The following RPSA2 variants were observed in gnomAD, a reference collection of about 807,000 sequenced individuals.
RPSA2 encodes the protein ribosomal protein SA 2, also known as small ribosomal subunit protein uS2B.
chr19:23,827,939 C>T, the RPSA2 span: 1 of 898,176 alleles, frequency 1.1e-6, no homozygotes, highest in Non-Finnish European at 1.8e-6. Flanking sequence ...TGTGCCTATT[C>T]AGCAATTCCC....
At chr19:23,759,970 A>G in the RPSA2 span, among the ~76,000 whole-genome samples, 4 of 152,164 alleles carry the variant, frequency 2.6e-5, no homozygotes, top group African/African-American at 7.2e-5. Context: ...CCAAGGCTAC[A>G]TGATAGTTAC....
At chr19:23,773,291 A>AT in the RPSA2 span, among the ~76,000 whole-genome samples, 133,436 of 141,076 alleles carry the variant, frequency 0.95, 63,499 homozygotes, top group East Asian at 1. Context: ...TATATATCAA[A>AT]TTTTTTTTTT....
chr19:23,839,714 C>G, the RPSA2 span, among the ~76,000 whole-genome samples: 22 of 152,190 alleles, frequency 1.4e-4, no homozygotes, highest in Non-Finnish European at 1.6e-4. Context: ...GTCCTCCTCC[C>G]TCTCCCATGG....
At chr19:23,853,285 G>T in the RPSA2 span, among the ~76,000 whole-genome samples, 2 of 152,242 alleles carry the variant, frequency 1.3e-5, no homozygotes, top group South Asian at 2.1e-4. Flanking sequence ...GGCATGACAG[G>T]TTGGATGGCT....
the RPSA2 span, among the ~76,000 whole-genome samples, chr19:23,795,967 G>A: frequency 3.9e-5 from 6 of 152,142 alleles, no homozygotes; most frequent in Admixed American, 3.9e-4. Context: ...ATTTTGCCAT[G>A]TCAGCCAGGT....
the RPSA2 span, among the ~76,000 whole-genome samples, chr19:23,845,908 T>C: frequency 2.6e-5 from 4 of 152,208 alleles, no homozygotes; most frequent in Non-Finnish European, 5.9e-5. Flanking sequence ...TATTCTACTA[T>C]GGTCTAAGTA....
At chr19:23,827,200 G>A in the RPSA2 span, 5 of 966,420 alleles carry the variant, frequency 5.2e-6, no homozygotes, top group African/African-American at 8.0e-5. Flanking sequence ...TGAAGGAGGA[G>A]GATGTCCTTA....
At chr19:23,866,517 C>A in the RPSA2 span, among the ~76,000 whole-genome samples, 2 of 143,418 alleles carry the variant, frequency 1.4e-5, no homozygotes, top group African/African-American at 5.0e-5. Flanking sequence ...TGTGGTGCCC[C>A]CCCCCGCCCA....
the RPSA2 span, among the ~76,000 whole-genome samples, chr19:23,762,001 T>C: frequency 4.0e-5 from 6 of 149,764 alleles, no homozygotes; most frequent in African/African-American, 1.2e-4. Flanking sequence ...CACTGCAACC[T>C]CTGCCTCCCG....
chr19:23,866,151 T>C, the RPSA2 span, among the ~76,000 whole-genome samples: 2 of 152,178 alleles, frequency 1.3e-5, no homozygotes, highest in Non-Finnish European at 2.9e-5. Context: ...CAGTCTTCCT[T>C]AGCCACCAAG....
At chr19:23,758,700 C>T in the RPSA2 span, 1 of 1,614,150 alleles carries the variant, frequency 6.2e-7, no homozygotes, top group Non-Finnish European at 8.5e-7. Context: ...CTGAGTCCCG[C>T]CACAGCCCCT....
the RPSA2 span, among the ~76,000 whole-genome samples, chr19:23,829,647 C>T: frequency 2.0e-5 from 3 of 152,152 alleles, no homozygotes; most frequent in Non-Finnish European, 4.4e-5. Context: ...TTGGGGACTA[C>T]ATATAATGTC....
the RPSA2 span, among the ~76,000 whole-genome samples, chr19:23,845,595 G>C: frequency 1.3e-5 from 2 of 152,312 alleles, no homozygotes; most frequent in Non-Finnish European, 2.9e-5. Context: ...ATGCTCAAGT[G>C]ATCTTTTTAT....
chr19:23,846,586 C>T, the RPSA2 span, among the ~76,000 whole-genome samples: 1 of 152,114 alleles, frequency 6.6e-6, no homozygotes, highest in Non-Finnish European at 1.5e-5. Context: ...CTTTATTTGT[C>T]AGGATAAGAC....
chr19:23,864,759 G>A, the RPSA2 span, among the ~76,000 whole-genome samples: 2 of 151,998 alleles, frequency 1.3e-5, no homozygotes, highest in African/African-American at 2.4e-5. Flanking sequence ...GTCACAGTGA[G>A]GCAAAAATCT....
the RPSA2 span, among the ~76,000 whole-genome samples, chr19:23,790,252 T>G: frequency 3.3e-5 from 5 of 152,144 alleles, no homozygotes; most frequent in African/African-American, 1.2e-4. Context: ...CCGCCTAGGC[T>G]TCCCAAAGTG....
chr19:23,854,576 T>TATC, the RPSA2 span, among the ~76,000 whole-genome samples: 1 of 152,214 alleles, frequency 6.6e-6, no homozygotes, highest in South Asian at 2.1e-4. Context: ...GGGATTTCCA[T>TATC]CTATATCAGA....
At chr19:23,819,192 G>A in the RPSA2 span, 23 of 152,222 alleles carry the variant, frequency 1.5e-4, no homozygotes, top group African/African-American at 5.1e-4. Context: ...ATGATGCCTC[G>A]AGCTTTGGCC....
chr19:23,858,987 G>T, the RPSA2 span, among the ~76,000 whole-genome samples: 5 of 152,120 alleles, frequency 3.3e-5, no homozygotes, highest in African/African-American at 1.2e-4. Flanking sequence ...TCTTTTTCAG[G>T]AGATTCAGGA....
Sources: gnomAD v4.1 joint callset for allele counts (sites outside exome capture counted in the v4.1 genomes callset) on GRCh38, gnomAD v4.1.1 for gene constraint, MANE v1.5 for transcripts, NCBI Gene and HGNC (gene_info 2026-07-23, HGNC 2026-07-21) for gene names.